The following LRP1B variants were observed in gnomAD, a reference collection of about 807,000 sequenced individuals.
LRP1B encodes LDL receptor related protein 1B, also known as low-density lipoprotein receptor-related protein 1B.
LRP1B carries 217 observed loss-of-function variants against 556.6 expected under a neutral mutation model. That is an observed-to-expected ratio of 0.39 (90% CI 0.35 to 0.44). LRP1B has a LOEUF of 0.44. Among genes scored for constraint, LRP1B ranks in the 20% least tolerant of loss-of-function variants. The pLI is 1.00. For synonymous variants in LRP1B, 2,047 were observed against 1,865.8 expected (o/e 1.10, Z -2.50); for missense variants, 5,053 against 5,620.8 (o/e 0.90, Z 3.23).
intron 43 of LRP1B, among the ~76,000 whole-genome samples, chr2:140,564,041 T>C (rs1558970617): frequency 6.6e-6 from 1 of 152,182 alleles, no homozygotes; most frequent in Non-Finnish European, 1.5e-5. Context: ...AATTTATCTC[T>C]CCTCTGATAG....
intron 2 of LRP1B, among the ~76,000 whole-genome samples, chr2:141,677,896 T>G (rs72846578): frequency 0.053 from 8,037 of 152,280 alleles, 304 homozygotes; most frequent in Middle Eastern, 0.088. Context: ...AGCTGACAGC[T>G]GTAGAGACAG....
chr2:140,621,709 C>A (rs1683464200), intron 41 of LRP1B, among the ~76,000 whole-genome samples: 1 of 152,096 alleles, frequency 6.6e-6, no homozygotes, highest in African/African-American at 2.4e-5. Context: ...GATTAAATAT[C>A]TACACAACAG....
chr2:140,273,539 T>A (rs1682552354), intron 85 of LRP1B, among the ~76,000 whole-genome samples: 1 of 152,048 alleles, frequency 6.6e-6, no homozygotes, highest in Admixed American at 6.6e-5. Flanking sequence ...TGCAATCAAA[T>A]TTTATTGGGC....
chr2:141,504,855 AT>A (rs1250542012), intron 2 of LRP1B, among the ~76,000 whole-genome samples: 1 of 152,124 alleles, frequency 6.6e-6, no homozygotes, highest in Non-Finnish European at 1.5e-5. Flanking sequence ...TGAAATTCAA[AT>A]GAGTGAAATA....
At chr2:142,105,364 C>T (rs1263122740) in intron 1 of LRP1B, among the ~76,000 whole-genome samples, 1 of 152,156 alleles carries the variant, frequency 6.6e-6, no homozygotes, top group Non-Finnish European at 1.5e-5. Context: ...ATATCTACCT[C>T]TGGCTTTAAC....
chr2:141,359,804 A>C (rs1688756093), intron 3 of LRP1B, among the ~76,000 whole-genome samples: 1 of 150,190 alleles, frequency 6.7e-6, no homozygotes, highest in Non-Finnish European at 1.5e-5. Flanking sequence ...ACATAACTTA[A>C]ATATATCAAT....
chr2:141,059,163 C>A, intron 8 of LRP1B, 109 bp from the exon 9 acceptor site: 2 of 634,040 alleles, frequency 3.2e-6, no homozygotes, highest in East Asian at 3.0e-5. Context: ...GCAGAAGAAC[C>A]GCAAGGATGT....
intron 55 of LRP1B, 24 bp downstream of exon 55, chr2:140,501,663 T>C: frequency 6.5e-7 from 1 of 1,538,196 alleles, no homozygotes; most frequent in South Asian, 1.2e-5. Flanking sequence ...ATCGTATGAT[T>C]TGCTACTTTT....
intron 41 of LRP1B, among the ~76,000 whole-genome samples, chr2:140,639,295 A>T (rs1684188419): frequency 6.6e-6 from 1 of 152,334 alleles, no homozygotes; most frequent in African/African-American, 2.4e-5. Flanking sequence ...AAAACTAATC[A>T]TCTTTCATCT....
chr2:140,233,536 ATT>A (rs1024147401), intron 90 of LRP1B, among the ~76,000 whole-genome samples: 11 of 151,216 alleles, frequency 7.3e-5, no homozygotes, highest in African/African-American at 2.7e-4. Context: ...ATAATTTTAC[ATT>A]TTGCAAGTAA....
chr2:140,989,507 C>T (rs369881701), intron 17 of LRP1B, 25 bp downstream of exon 17: 241 of 1,610,920 alleles, frequency 1.5e-4, no homozygotes, highest in African/African-American at 4.5e-4. Context: ...AGGAGATTTA[C>T]GTGTATATCC....
chr2:141,376,906 A>G (rs1265469271), intron 3 of LRP1B, among the ~76,000 whole-genome samples: 4 of 152,166 alleles, frequency 2.6e-5, no homozygotes, highest in Admixed American at 1.3e-4. Context: ...AAATTCTGAT[A>G]TGTAATCTCA....
intron 1 of LRP1B, among the ~76,000 whole-genome samples, chr2:142,009,147 A>G (rs1441951223): frequency 6.6e-6 from 1 of 152,164 alleles, no homozygotes; most frequent in Non-Finnish European, 1.5e-5. Flanking sequence ...TGGAAAGGGT[A>G]TTTTCCTCAG....
chr2:140,906,991 C>CT (rs1189493170), intron 22 of LRP1B, among the ~76,000 whole-genome samples: 2 of 134,892 alleles, frequency 1.5e-5, no homozygotes, highest in African/African-American at 3.0e-5. Context: ...AAAAAACTTC[C>CT]TTTTTTATAT....
intron 1 of LRP1B, among the ~76,000 whole-genome samples, chr2:142,031,327 C>CTTTTTTTTTTTT (rs1252003225): frequency 2.3e-5 from 1 of 44,388 alleles, no homozygotes; most frequent in African/African-American, 5.7e-5. Context: ...GTTGATTATA[C>CTTTTTTTTTTTT]TTATTTTTTT....
intron 84 of LRP1B, among the ~76,000 whole-genome samples, chr2:140,288,866 G>A (rs1683265254): frequency 6.6e-6 from 1 of 151,724 alleles, no homozygotes; most frequent in Non-Finnish European, 1.5e-5. Flanking sequence ...TCTTTACACT[G>A]CTTTGTATAT....
At chr2:141,666,193 TG>T (rs1424012595) in intron 2 of LRP1B, among the ~76,000 whole-genome samples, 1 of 152,212 alleles carries the variant, frequency 6.6e-6, no homozygotes, top group Non-Finnish European at 1.5e-5. Flanking sequence ...AGACAATTGG[TG>T]TCCAATTCTG....
At chr2:140,835,306 A>G (rs1349819258) in intron 31 of LRP1B, among the ~76,000 whole-genome samples, 1 of 152,192 alleles carries the variant, frequency 6.6e-6, no homozygotes, top group Non-Finnish European at 1.5e-5. Context: ...AGGAAAAGGA[A>G]ACTAAACGTC....
chr2:141,524,969 G>A (rs1023459472), intron 2 of LRP1B, among the ~76,000 whole-genome samples: 7 of 152,050 alleles, frequency 4.6e-5, no homozygotes, highest in South Asian at 4.1e-4. Flanking sequence ...GTCTTATCAC[G>A]TGACACAAAA....
Sources: allele counts gnomAD v4.1 joint callset (sites outside exome capture counted in the v4.1 genomes callset), GRCh38; gene constraint gnomAD v4.1.1; transcripts MANE v1.5; gene names NCBI Gene and HGNC (gene_info 2026-07-23, HGNC 2026-07-21).